Variants in PSD3 observed in about 807,000 individuals in gnomAD.
The protein encoded by PSD3 is PH and SEC7 domain-containing protein 3.
PSD3 carries 49 observed loss-of-function variants against 105.5 expected under a neutral mutation model. The observed-to-expected ratio is 0.46, with a 90% CI of 0.37 to 0.59. The LOEUF (loss-of-function observed/expected upper bound fraction) is 0.59, where lower values mean the gene tolerates loss of function less well. Ranked by LOEUF, PSD3 falls within the 20% of genes least tolerant of loss-of-function variation. The probability of loss-of-function intolerance (pLI) is 0.00; values close to 1 mark genes in which losing one functional copy is unlikely to be tolerated. For missense variants in PSD3, 1,561 were observed against 1,263.8 expected (o/e 1.24, Z -3.57); for synonymous variants, 557 against 457.8 (o/e 1.22, Z -2.77).
chr8:18,942,491 A>G (rs1822611623), intron 1 of PSD3, among the ~76,000 whole-genome samples: 2 of 152,226 alleles, frequency 1.3e-5, no homozygotes, highest in Admixed American at 6.5e-5. Context: ...GTGTCCCCCC[A>G]AGATTTATAT....
intron 1 of PSD3, among the ~76,000 whole-genome samples, chr8:19,012,607 A>G (rs775416098): frequency 9.9e-5 from 15 of 152,192 alleles, no homozygotes; most frequent in Non-Finnish European, 1.9e-4. Flanking sequence ...TAGCCTACGC[A>G]TAAGTCTCTC....
At chr8:18,607,685 AAAAAAAAAAAC>A (rs1804947690) in intron 11 of PSD3, among the ~76,000 whole-genome samples, 1 of 124,828 alleles carries the variant, frequency 8.0e-6, no homozygotes, top group Admixed American at 7.7e-5. Context: ...CACTGCTACA[AAAAAAAAAAAC>A]AAAACAAAAA....
intron 12 of PSD3, among the ~76,000 whole-genome samples, chr8:18,581,112 G>A (rs1012872604): frequency 1.3e-5 from 2 of 152,144 alleles, no homozygotes; most frequent in Non-Finnish European, 2.9e-5. Context: ...CTTGGCTAGC[G>A]GATGACTCAC....
At chr8:18,940,099 A>C (rs1201426986) in intron 1 of PSD3, 1 of 152,212 alleles carries the variant, frequency 6.6e-6, no homozygotes, top group Non-Finnish European at 1.5e-5. Context: ...TACAGCACCA[A>C]GTAAAACACG....
chr8:18,767,965 G>A (rs1308241651), intron 8 of PSD3, among the ~76,000 whole-genome samples: 1 of 151,540 alleles, frequency 6.6e-6, no homozygotes, highest in Non-Finnish European at 1.5e-5. Context: ...GACTTCTGGA[G>A]ATAGACTTTT....
At chr8:18,610,986 T>A (rs1479046562) in intron 11 of PSD3, among the ~76,000 whole-genome samples, 1 of 152,206 alleles carries the variant, frequency 6.6e-6, no homozygotes, top group Non-Finnish European at 1.5e-5. Context: ...TATAATGTTG[T>A]TGAGTTAATC....
intron 2 of PSD3, among the ~76,000 whole-genome samples, chr8:18,929,592 T>C (rs2129468369): frequency 6.6e-6 from 1 of 152,162 alleles, no homozygotes; most frequent in Non-Finnish European, 1.5e-5. Flanking sequence ...AGCCCTCTTC[T>C]ATATGAAGGG....
intron 9 of PSD3, among the ~76,000 whole-genome samples, chr8:18,674,880 G>A (rs976382213): frequency 2.6e-5 from 4 of 152,100 alleles, no homozygotes; most frequent in Non-Finnish European, 4.4e-5. Flanking sequence ...GTGGTGACAT[G>A]TGCCTAGTTA....
chr8:18,940,167 C>G (rs902910336), intron 1 of PSD3: 2 of 152,222 alleles, frequency 1.3e-5, no homozygotes, highest in Non-Finnish European at 2.9e-5. Context: ...GCCTGCGAAT[C>G]TGCATTTTCT....
chr8:18,654,670 A>G (rs1237625691), intron 10 of PSD3, among the ~76,000 whole-genome samples: 1 of 152,198 alleles, frequency 6.6e-6, no homozygotes, highest in African/African-American at 2.4e-5. Context: ...TCACTGTCAA[A>G]GAGAGTCAGG....
intron 8 of PSD3, among the ~76,000 whole-genome samples, chr8:18,787,440 T>C (rs550343803): frequency 6.6e-6 from 1 of 152,192 alleles, no homozygotes; most frequent in Non-Finnish European, 1.5e-5. Context: ...TTAAAATCAG[T>C]AGGCATTTTA....
chr8:18,969,176 T>C (rs1004491870), intron 1 of PSD3, among the ~76,000 whole-genome samples: 1 of 152,184 alleles, frequency 6.6e-6, no homozygotes, highest in African/African-American at 2.4e-5. Flanking sequence ...CCAGAATGAC[T>C]TACCTTACTG....
intron 4 of PSD3, among the ~76,000 whole-genome samples, chr8:18,828,068 T>TATATA (rs1554515387): frequency 0.11 from 8,863 of 82,606 alleles, 318 homozygotes; most frequent in South Asian, 0.21. Flanking sequence ...TATATATATA[T>TATATA]TTTTTTTTTT....
intron 15 of PSD3, among the ~76,000 whole-genome samples, chr8:18,537,302 G>A (rs1441406802): frequency 1.3e-5 from 2 of 152,278 alleles, no homozygotes; most frequent in Non-Finnish European, 1.5e-5. Context: ...GTCAAAGTAA[G>A]GAAGAAATGA....
intron 11 of PSD3, among the ~76,000 whole-genome samples, chr8:18,627,936 T>C (rs1013072087): frequency 1.3e-5 from 2 of 151,524 alleles, no homozygotes; most frequent in African/African-American, 4.8e-5. Context: ...ATAAATATAT[T>C]CAAGGACATG....
intron 1 of PSD3, among the ~76,000 whole-genome samples, chr8:18,983,794 C>G (rs994587349): frequency 1.3e-5 from 2 of 151,520 alleles, no homozygotes; most frequent in African/African-American, 4.9e-5. Flanking sequence ...AGTCCAGGAG[C>G]TGGAGACTAG....
intron 9 of PSD3, among the ~76,000 whole-genome samples, chr8:18,674,951 T>C (rs1210324099): frequency 6.6e-6 from 1 of 152,042 alleles, no homozygotes; most frequent in Admixed American, 6.6e-5. Flanking sequence ...CAGTGAGGTA[T>C]GTTCTTACTA....
intron 2 of PSD3, among the ~76,000 whole-genome samples, chr8:18,909,482 T>A (rs1820063101): frequency 6.6e-6 from 1 of 152,114 alleles, no homozygotes; most frequent in Non-Finnish European, 1.5e-5. Flanking sequence ...TATTATTATT[T>A]TTAATTTTAT....
intron 9 of PSD3, among the ~76,000 whole-genome samples, chr8:18,760,372 G>A (rs534383572): frequency 1.2e-3 from 178 of 151,918 alleles, no homozygotes; most frequent in Non-Finnish European, 1.8e-3. Context: ...TTATATAGTC[G>A]AAAGGAAATT....
Sources: allele counts gnomAD v4.1 joint callset (sites outside exome capture counted in the v4.1 genomes callset), GRCh38; gene constraint gnomAD v4.1.1; transcripts MANE v1.5; gene names NCBI Gene and HGNC (gene_info 2026-07-23, HGNC 2026-07-21).